PBX1: variants seen among roughly 807,000 people sequenced by gnomAD.
PBX1 encodes pre-B-cell leukemia transcription factor 1.
In PBX1, 6 loss-of-function variants were observed where a neutral mutation model predicts 53.4. The observed-to-expected ratio is 0.11, with a 90% CI of 0.06 to 0.22. PBX1 has a LOEUF of 0.22. Among genes scored for constraint, PBX1 ranks in the 10% least tolerant of loss-of-function variants. The pLI is 1.00. For missense variants in PBX1, 251 were observed against 551.4 expected (o/e 0.46, Z 5.46); for synonymous variants, 204 against 212.3 (o/e 0.96, Z 0.34).
intron 2 of PBX1, among the ~76,000 whole-genome samples, chr1:164,773,547 G>T (rs1035427001): frequency 6.6e-6 from 1 of 152,142 alleles, no homozygotes. Context: ...CTGCTTTCAG[G>T]CTTCTATGCT....
At chr1:164,590,809 C>CT (rs1413598764) in intron 2 of PBX1, among the ~76,000 whole-genome samples, 3 of 151,996 alleles carry the variant, frequency 2.0e-5, no homozygotes, top group African/African-American at 7.2e-5. Flanking sequence ...AAAAAAATCT[C>CT]TGACTGCATG....
At chr1:164,680,102 G>A (rs187596875) in intron 2 of PBX1, 4 of 152,250 alleles carry the variant, frequency 2.6e-5, no homozygotes, top group South Asian at 4.1e-4. Flanking sequence ...GCCTGTAGTT[G>A]TATATTCGTA....
chr1:164,633,077 C>T (rs570186876), intron 2 of PBX1, among the ~76,000 whole-genome samples: 2 of 152,276 alleles, frequency 1.3e-5, no homozygotes, highest in African/African-American at 4.8e-5. Context: ...ACCATAACAT[C>T]CTCAATGTAG....
chr1:164,817,602 T>C (rs2102357749), intron 6 of PBX1: 1 of 152,382 alleles, frequency 6.6e-6, no homozygotes, highest in Middle Eastern at 3.4e-3. Context: ...CACTTGTATA[T>C]GAAGTACATT....
chr1:164,588,417 GCA>G (rs1185366802), intron 2 of PBX1, among the ~76,000 whole-genome samples: 3 of 138,132 alleles, frequency 2.2e-5, no homozygotes, highest in Non-Finnish European at 3.1e-5. Flanking sequence ...ATATGTAAGT[GCA>G]CACACACACA....
At chr1:164,637,464 G>A (rs1658850770) in intron 2 of PBX1, among the ~76,000 whole-genome samples, 1 of 152,214 alleles carries the variant, frequency 6.6e-6, no homozygotes, top group Admixed American at 6.5e-5. Context: ...CTGAGTTCAA[G>A]TGCCTACTGG....
intron 2 of PBX1, among the ~76,000 whole-genome samples, chr1:164,582,382 T>C (rs1654670421): frequency 6.6e-6 from 1 of 152,158 alleles, no homozygotes; most frequent in Non-Finnish European, 1.5e-5. Context: ...AGCAGATTTT[T>C]TTCCTGGTAC....
intron 2 of PBX1, 71 bp from the exon 3 acceptor site, chr1:164,792,423 C>A (rs1408208548): frequency 2.5e-6 from 4 of 1,576,022 alleles, no homozygotes; most frequent in African/African-American, 2.7e-5. Flanking sequence ...CCAAAGAACA[C>A]AAATGTGTTG....
Position 164,825,749 on chromosome 1 carries a change from T to C in PBX1, c.1200+4123T>C, listed in dbSNP as rs1028854634. On this transcript the variant is annotated intron_variant, in intron 8 of 8. Coordinates refer to ENST00000420696, the MANE Select transcript of PBX1 (RefSeq NM_002585.4). Reference sequence around the variant, plus strand: ...CTCAGCAGTAGGATCATTCTTATTATGAATTTTGTAAAATTTCTTTCACTC... The same window carrying C: ...CTCAGCAGTAGGATCATTCTTATTACGAATTTTGTAAAATTTCTTTCACTC... Among the ~76,000 whole-genome samples, 4 of 152,226 alleles carry C rather than the reference T, an allele frequency of 2.6e-5. No individual in the cohort carries two copies. In the South Asian group the frequency reaches 8.3e-4, roughly 32 times the overall value.
chr1:164,698,060 C>G (rs1446945768), intron 2 of PBX1, among the ~76,000 whole-genome samples: 1 of 152,120 alleles, frequency 6.6e-6, no homozygotes, highest in Non-Finnish European at 1.5e-5. Context: ...TCGGGCTCTT[C>G]TCTTTTTTAG....
At chr1:164,818,032 A>G (rs1156752750) in intron 6 of PBX1, 1 of 152,174 alleles carries the variant, frequency 6.6e-6, no homozygotes, top group Non-Finnish European at 1.5e-5. Context: ...GATGACATAT[A>G]ACAAATTATA....
chr1:164,712,739 G>T (rs1277123828), intron 2 of PBX1, among the ~76,000 whole-genome samples: 1 of 152,162 alleles, frequency 6.6e-6, no homozygotes, highest in African/African-American at 2.4e-5. Context: ...CAAAGGAAGG[G>T]AAGTGACTGT....
intron 2 of PBX1, among the ~76,000 whole-genome samples, chr1:164,878,728 G>C (rs185114416): frequency 1.5e-4 from 23 of 152,192 alleles, no homozygotes; most frequent in African/African-American, 5.5e-4. Flanking sequence ...GTAAAAGTTA[G>C]AGAAATGGGT....
At chr1:164,709,930 T>C (rs768833162) in intron 2 of PBX1, among the ~76,000 whole-genome samples, 7 of 152,148 alleles carry the variant, frequency 4.6e-5, no homozygotes, top group Non-Finnish European at 7.4e-5. Context: ...ATGGGGTGGG[T>C]GGCCAAGCTG....
chr1:164,719,359 G>A (rs1664280845), intron 2 of PBX1, among the ~76,000 whole-genome samples: 1 of 152,188 alleles, frequency 6.6e-6, no homozygotes, highest in African/African-American at 2.4e-5. Flanking sequence ...ATGATTCTGA[G>A]TATAATGAAG....
intron 2 of PBX1, among the ~76,000 whole-genome samples, chr1:164,668,848 T>C (rs1005855312): frequency 6.6e-6 from 1 of 152,164 alleles, no homozygotes; most frequent in African/African-American, 2.4e-5. Context: ...TTAAGAGAGA[T>C]TTGCGGAATC....
chr1:164,760,966 T>G (rs1174538460), intron 2 of PBX1, among the ~76,000 whole-genome samples: 1 of 152,228 alleles, frequency 6.6e-6, no homozygotes, highest in Non-Finnish European at 1.5e-5. Context: ...GATACTTTCT[T>G]TCCTCTCACT....
At chr1:164,764,205 C>T (rs1666944061) in intron 2 of PBX1, among the ~76,000 whole-genome samples, 3 of 152,138 alleles carry the variant, frequency 2.0e-5, no homozygotes, top group African/African-American at 7.2e-5. Flanking sequence ...ATATCAGTTG[C>T]CCTAAAGGCT....
chr1:164,563,056 CATT>C (rs1365213477), intron 1 of PBX1, 179 bp from the exon 2 acceptor site: 9 of 395,158 alleles, frequency 2.3e-5, no homozygotes, highest in African/African-American at 1.9e-4. Flanking sequence ...TGCTAATTAA[CATT>C]ATTTCTTTTT....
Sources: gnomAD v4.1 joint callset for allele counts (sites outside exome capture counted in the v4.1 genomes callset) on GRCh38, gnomAD v4.1.1 for gene constraint, MANE v1.5 for transcripts, NCBI Gene and HGNC (gene_info 2026-07-23, HGNC 2026-07-21) for gene names.